The following ZNF43 variants were observed in gnomAD, a reference collection of about 807,000 sequenced individuals.
ZNF43 encodes the protein zinc finger protein 43.
In ZNF43, 44 loss-of-function variants were observed where a neutral mutation model predicts 68.4. The observed-to-expected ratio is 0.64, with a 90% CI of 0.51 to 0.83. The LOEUF is 0.83. Among genes scored for constraint, ZNF43 ranks in the 40% least tolerant of loss-of-function variants. The pLI is 0.00. For synonymous variants in ZNF43, 308 were observed against 307.8 expected, an observed-to-expected ratio of 1.00 and a Z score of -0.01; for missense variants, 896 against 933.2, an observed-to-expected ratio of 0.96 and a Z score of 0.52.
intron 1 of ZNF43, among the ~76,000 whole-genome samples, chr19:21,845,005 T>G (rs894504932): frequency 1.4e-5 from 2 of 144,120 alleles, no homozygotes; most frequent in African/African-American, 5.3e-5. Flanking sequence ...TCACATCACC[T>G]GGGGCTGGTC....
intron 3 of ZNF43, among the ~76,000 whole-genome samples, chr19:21,814,678 G>T (rs1036972689): frequency 6.6e-6 from 1 of 151,958 alleles, no homozygotes; most frequent in Non-Finnish European, 1.5e-5. Flanking sequence ...AAAGTGCTGG[G>T]ATTGCAGGCG....
intron 1 of ZNF43, among the ~76,000 whole-genome samples, chr19:21,820,099 T>C (rs2037724293): frequency 6.6e-6 from 1 of 151,254 alleles, no homozygotes; most frequent in Admixed American, 6.6e-5. Flanking sequence ...CTCAAGGGGC[T>C]GAGGCAAGAG....
In ZNF43 at chr19:21,844,347, CAAAAAA is replaced by C. The variant is rs57500822; in HGVS notation, c.30+7552_30+7557del. ...CTGAGTGATAAGGGAGACTCTGTCTCAAAAAAAAAAAAAAAAAAAAAAAAAGATACA... is the reference window on the plus strand; with the variant it reads ...CTGAGTGATAAGGGAGACTCTGTCTCAAAAAAAAAAAAAAAAAAAGATACA... On this transcript the variant is annotated intron_variant, in intron 1 of 3. Coordinates refer to the ZNF43 transcript ENST00000357491. Among the ~76,000 whole-genome samples the C allele has an allele frequency of 1.9e-4, 8 of 43,140 alleles. No individual in the cohort carries two copies. The East Asian group carries it at 2.6e-3, about 14-fold the overall frequency. 28.3% of individuals were successfully genotyped at this position (43,140 alleles called of 152,430 possible). A position where few individuals can be genotyped will look rare whatever the true frequency, so the allele number is the denominator to read the frequency against.
At chr19:21,832,738 G>A (rs1381614084) in intron 1 of ZNF43, among the ~76,000 whole-genome samples, 3 of 152,104 alleles carry the variant, frequency 2.0e-5, no homozygotes, top group Non-Finnish European at 4.4e-5. Context: ...GGTGGCACAC[G>A]CCTGTAATCC....
rs777460529 is a variant in ZNF43, at chr19:21,808,144, A to G, written c.1893T>C (p.Phe631=). The G allele has an allele frequency of 1.1e-5, 18 of 1,612,950 alleles. No individual in the cohort carries two copies. The highest frequency in any genetic ancestry group is 1.4e-5 in the Non-Finnish European group (16 of 1,179,694). ...GTTTAGTAAGAGTTGAGAACTGGTT[A>G]AAAGCTTTGCCACATTCTTCACATT... ...PYKCEECGKA[F]NQFSTLTKHK... is the part of the protein sequence containing the mutation. The change falls in exon 4 of 4, where the codon TTT becomes TTC. Residue 631 remains phenylalanine, a synonymous_variant. Coordinates refer to ENST00000354959, the MANE Select transcript of ZNF43 (RefSeq NM_003423.4).
chr19:21,836,185 A>T, upstream of ZNF43: 3 of 1,504,478 alleles, frequency 2.0e-6, no homozygotes, highest in South Asian at 1.3e-5. Context: ...CCAGAGACAA[A>T]GGCCCCGCCA....
chr19:21,835,123 C>A (rs536367687), intron 1 of ZNF43, among the ~76,000 whole-genome samples: 4 of 149,568 alleles, frequency 2.7e-5, no homozygotes, highest in African/African-American at 9.8e-5. Context: ...GTGGCAGGCA[C>A]CTGTAATCCC....
intron 1 of ZNF43, 85 bp downstream of exon 1, chr19:21,835,951 C>T (rs1681924893): frequency 1.2e-6 from 2 of 1,605,386 alleles, no homozygotes; most frequent in East Asian, 2.2e-5. Context: ...CTCCGGCACG[C>T]GCAGATTGTG....
At position 21,836,157 on chromosome 19, in the gene ZNF43, G is replaced by A. The variant is rs1251508899; in HGVS notation, c.-119C>T. ...GGACACAGAAGAACGAAGACGAGAC[G>A]CAGAGCTCCAACTGCAGCCAGAGAC... On this transcript the variant is annotated 5_prime_UTR_variant, in exon 1 of 4. Coordinates refer to ENST00000354959, the MANE Select transcript of ZNF43 (RefSeq NM_003423.4). The A allele has an allele frequency of 4.4e-6, 7 of 1,573,216 alleles. No homozygotes were observed. Among genetic ancestry groups the A allele is most frequent in the South Asian group, 2.3e-5 (2 of 85,780 alleles).
chr19:21,842,374 A>G (rs1599542509), intron 1 of ZNF43, among the ~76,000 whole-genome samples: 2 of 148,800 alleles, frequency 1.3e-5, no homozygotes, highest in South Asian at 2.1e-4. Flanking sequence ...GTGCCACTGC[A>G]CTCCAGCCTG....
chr19:21,850,539 G>A (rs1330746255), intron 1 of ZNF43, among the ~76,000 whole-genome samples: 4 of 150,974 alleles, frequency 2.6e-5, no homozygotes, highest in African/African-American at 9.8e-5. Context: ...CAGCCTGGGA[G>A]ACAAGGCGAT....
chr19:21,814,349 A>G (rs148488426), intron 3 of ZNF43, among the ~76,000 whole-genome samples: 54 of 152,180 alleles, frequency 3.5e-4, no homozygotes, highest in African/African-American at 1.2e-3. Context: ...TTGGGGTCAT[A>G]TATTTATAAA....
chr19:21,849,856 G>C (rs79382977), intron 1 of ZNF43: 1 of 152,152 alleles, frequency 6.6e-6, no homozygotes, highest in Non-Finnish European at 1.5e-5. Flanking sequence ...GCTGGTTGAG[G>C]GTAGAAGAGT....
intron 3 of ZNF43, among the ~76,000 whole-genome samples, chr19:21,815,132 T>C (rs949994007): frequency 2.0e-5 from 3 of 150,404 alleles, no homozygotes; most frequent in African/African-American, 7.4e-5. Flanking sequence ...GAGGTTGCAG[T>C]GAGCCGAGAT....
chr19:21,848,487 G>A (rs1000236761), intron 1 of ZNF43, among the ~76,000 whole-genome samples: 3 of 152,074 alleles, frequency 2.0e-5, no homozygotes, highest in Non-Finnish European at 2.9e-5. Context: ...GCCATAATAT[G>A]GCACAACATG....
In ZNF43 at chr19:21,842,647, C is replaced by G. The variant is rs143905103; in HGVS notation, c.30+9258G>C. Among the ~76,000 whole-genome samples, 469 of 152,120 alleles carry G rather than the reference C, an allele frequency of 3.1e-3. 2 individuals carry two copies. The highest frequency in any genetic ancestry group is 5.1e-3 in the Non-Finnish European group (344 of 68,004). On this transcript the variant is annotated intron_variant, in intron 1 of 3. Coordinates refer to the ZNF43 transcript ENST00000357491. ...GAGTCACATAACCTAGGAATTGAGA[C>G]TAGTTATATGGCACAATCACCCCAG...
upstream of ZNF43, chr19:21,838,040 T>C (rs982604044): frequency 2.0e-5 from 3 of 152,180 alleles, no homozygotes; most frequent in African/African-American, 7.2e-5. Flanking sequence ...CATATCTAAA[T>C]TAACAGCAGT....
intron 1 of ZNF43, among the ~76,000 whole-genome samples, chr19:21,842,528 G>GA (rs943311426): frequency 3.5e-4 from 53 of 151,804 alleles, no homozygotes; most frequent in African/African-American, 1.1e-3. Context: ...AATATTTTCT[G>GA]AAAAAAAGGG....
intron 3 of ZNF43, among the ~76,000 whole-genome samples, chr19:21,814,318 C>T (rs2037417492): frequency 6.6e-6 from 1 of 151,196 alleles, no homozygotes; most frequent in African/African-American, 2.4e-5. Context: ...ATAATATATA[C>T]AAGATAAGCT....
Sources: allele counts gnomAD v4.1 joint callset (sites outside exome capture counted in the v4.1 genomes callset), GRCh38; gene constraint gnomAD v4.1.1; transcripts MANE v1.5; gene names NCBI Gene and HGNC (gene_info 2026-07-23, HGNC 2026-07-21).